The following CNTNAP4 variants were observed in gnomAD, a reference collection of about 807,000 sequenced individuals.
CNTNAP4 encodes contactin associated protein family member 4.
CNTNAP4 carries 98 observed loss-of-function variants against 148.4 expected under a neutral mutation model. The ratio of observed to expected loss-of-function variants is 0.66; its 90% CI spans 0.56 to 0.78. The LOEUF (loss-of-function observed/expected upper bound fraction) is 0.78. CNTNAP4 is among the 30% of genes least tolerant of loss of function. The pLI, the probability that CNTNAP4 is intolerant of heterozygous loss-of-function variation, is 0.00. For synonymous variants in CNTNAP4, 730 were observed against 565.1 expected, an observed-to-expected ratio of 1.29 and a Z score of -4.14; for missense variants, 1,935 against 1,565.6, an observed-to-expected ratio of 1.24 and a Z score of -3.98.
At chr16:76,447,787 C>G (rs1029325924) in intron 4 of CNTNAP4, among the ~76,000 whole-genome samples, 2 of 152,146 alleles carry the variant, frequency 1.3e-5, no homozygotes, top group African/African-American at 4.8e-5. Flanking sequence ...CTAGGCTAAA[C>G]TATGAGGTTT....
At chr16:76,296,008 T>C (rs1436007927) in intron 1 of CNTNAP4, among the ~76,000 whole-genome samples, 1 of 152,098 alleles carries the variant, frequency 6.6e-6, no homozygotes, top group Non-Finnish European at 1.5e-5. Context: ...AAATTTTAAG[T>C]GTGTTCATTT....
intron 4 of CNTNAP4, among the ~76,000 whole-genome samples, chr16:76,444,126 A>G (rs2143076544): frequency 6.6e-6 from 1 of 152,300 alleles, no homozygotes; most frequent in Non-Finnish European, 1.5e-5. Context: ...AATCCAGGAA[A>G]GCATGTTAGA....
intron 23 of CNTNAP4, among the ~76,000 whole-genome samples, chr16:76,554,645 G>A (rs2085113683): frequency 6.6e-6 from 1 of 151,612 alleles, no homozygotes; most frequent in Non-Finnish European, 1.5e-5. Flanking sequence ...ATGTTAACTT[G>A]TTCACCTTTC....
chr16:76,484,421 A>G (rs933893475), intron 12 of CNTNAP4, among the ~76,000 whole-genome samples: 2 of 152,210 alleles, frequency 1.3e-5, no homozygotes, highest in African/African-American at 4.8e-5. Flanking sequence ...TCAGAAACAC[A>G]GATACCCAGA....
intron 3 of CNTNAP4, among the ~76,000 whole-genome samples, chr16:76,375,048 C>T (rs902754832): frequency 1.3e-5 from 2 of 152,034 alleles, no homozygotes; most frequent in Non-Finnish European, 2.9e-5. Flanking sequence ...GGATTACAGG[C>T]GTCAGCCATC....
intron 3 of CNTNAP4, among the ~76,000 whole-genome samples, chr16:76,398,792 T>G (rs940455316): frequency 3.9e-5 from 6 of 152,148 alleles, no homozygotes; most frequent in African/African-American, 1.4e-4. Context: ...TTAAATAATA[T>G]TGGGTGCATA....
chr16:76,353,191 G>C (rs1233302857), intron 2 of CNTNAP4, among the ~76,000 whole-genome samples: 1 of 152,098 alleles, frequency 6.6e-6, no homozygotes, highest in Non-Finnish European at 1.5e-5. Flanking sequence ...ACATGGAGTG[G>C]AATACAGTTT....
intron 1 of CNTNAP4, among the ~76,000 whole-genome samples, chr16:76,311,607 T>A (rs1961120717): frequency 6.6e-6 from 1 of 152,220 alleles, no homozygotes; most frequent in Non-Finnish European, 1.5e-5. Context: ...ATGTGGAAAT[T>A]CTAATATGAC....
intron 1 of CNTNAP4, among the ~76,000 whole-genome samples, chr16:76,281,604 A>G (rs1156287488): frequency 6.6e-6 from 1 of 152,068 alleles, no homozygotes; most frequent in East Asian, 1.9e-4. Context: ...CAATTTCTGT[A>G]TTGGAGCTAA....
chr16:76,419,334 A>T (rs549359135), intron 3 of CNTNAP4, among the ~76,000 whole-genome samples: 2 of 152,106 alleles, frequency 1.3e-5, no homozygotes, highest in African/African-American at 4.8e-5. Context: ...TCAGGAGAAT[A>T]GCCCTTTGTT....
intron 1 of CNTNAP4, among the ~76,000 whole-genome samples, chr16:76,289,286 C>T (rs1959015188): frequency 6.6e-6 from 1 of 152,156 alleles, no homozygotes; most frequent in Non-Finnish European, 1.5e-5. Flanking sequence ...AAATTACTCT[C>T]CACATTATGA....
chr16:76,331,709 T>C (rs1383260554), intron 2 of CNTNAP4, among the ~76,000 whole-genome samples: 1 of 152,192 alleles, frequency 6.6e-6, no homozygotes, highest in Non-Finnish European at 1.5e-5. Context: ...TAGTTATAAT[T>C]ATTGTTTTAT....
At chr16:76,333,031 A>G (rs1487407278) in intron 2 of CNTNAP4, among the ~76,000 whole-genome samples, 1 of 152,132 alleles carries the variant, frequency 6.6e-6, no homozygotes, top group African/African-American at 2.4e-5. Flanking sequence ...TTCACTTTAC[A>G]CTCATTAACA....
chr16:76,333,592 C>T lies in CNTNAP4; in HGVS notation c.196+17069C>T, dbSNP rs142588894. Among the ~76,000 whole-genome samples the T allele has an allele frequency of 1.0e-3, 153 of 152,148 alleles. 1 individual carries two copies. The highest frequency in any genetic ancestry group is 3.5e-3 in the African/African-American group (147 of 41,530). On this transcript the variant is annotated intron_variant, in intron 2 of 23. Coordinates refer to ENST00000611870, the MANE Select transcript of CNTNAP4 (RefSeq NM_033401.5). ...ATGTTTAGTTGATCCAATATCATTG[C>T]TTCCTCAGGGGCAGTTTCTATTAAT...
At chr16:76,439,373 T>A (rs2079953913) in intron 4 of CNTNAP4, among the ~76,000 whole-genome samples, 1 of 152,186 alleles carries the variant, frequency 6.6e-6, no homozygotes, top group African/African-American at 2.4e-5. Context: ...AAAATAATGT[T>A]GAGGCATTTT....
chr16:76,393,027 C>G (rs948907274), intron 3 of CNTNAP4, among the ~76,000 whole-genome samples: 1 of 152,190 alleles, frequency 6.6e-6, no homozygotes, highest in African/African-American at 2.4e-5. Context: ...ATGACTTTAA[C>G]AAGCACAATT....
intron 3 of CNTNAP4, among the ~76,000 whole-genome samples, chr16:76,363,206 G>A (rs911506091): frequency 2.0e-5 from 3 of 150,652 alleles, no homozygotes; most frequent in Non-Finnish European, 4.4e-5. Context: ...TTGCACCCAG[G>A]CTGGAGTGCA....
intron 15 of CNTNAP4, among the ~76,000 whole-genome samples, chr16:76,504,362 T>C (rs2082763643): frequency 6.6e-6 from 1 of 151,766 alleles, no homozygotes; most frequent in Non-Finnish European, 1.5e-5. Context: ...ATAGAATTTT[T>C]CAAGAAACAG....
chr16:76,460,026 T>G (rs528312901), intron 8 of CNTNAP4, among the ~76,000 whole-genome samples: 1 of 152,334 alleles, frequency 6.6e-6, no homozygotes, highest in Non-Finnish European at 1.5e-5. Context: ...ACTTGGAAAA[T>G]ATGTAAGTAA....
Sources: allele counts gnomAD v4.1 joint callset (sites outside exome capture counted in the v4.1 genomes callset), GRCh38; gene constraint gnomAD v4.1.1; transcripts MANE v1.5; gene names NCBI Gene and HGNC (gene_info 2026-07-23, HGNC 2026-07-21).